KIAA2012: variants seen among roughly 807,000 people sequenced by gnomAD.
The protein encoded by KIAA2012 is KIAA2012, also known as uncharacterized protein KIAA2012.
Under a neutral mutation model 150.6 loss-of-function variants are expected in KIAA2012, and 125 were observed. That is an observed-to-expected ratio of 0.83 (90% CI 0.72 to 0.96). The LOEUF is 0.96. KIAA2012 is among the 40% of genes least tolerant of loss of function. KIAA2012 has a pLI of 0.00. For synonymous variants in KIAA2012, 462 were observed against 504.7 expected (o/e 0.92, Z 1.13); for missense variants, 1,219 against 1,354.9 (o/e 0.90, Z 1.57).
Position 202,099,477 on chromosome 2 carries a change from C to T in KIAA2012, c.829-136C>T, listed in dbSNP as rs762255961. The stretch of plus-strand genomic sequence containing the variant: ...AGCATTAAAGAGCTTGCTGTTATAA[C>T]CTTATTTTTCTTCCCAACCTGCAAA... On this transcript the variant is annotated intron_variant, in intron 5 of 23. Coordinates refer to ENST00000498697, the MANE Select transcript of KIAA2012 (RefSeq NM_001277372.4). 854 of 630,722 alleles carry T rather than the reference C, an allele frequency of 1.4e-3. 1 individual carries two copies. Among genetic ancestry groups the T allele is most frequent in the Non-Finnish European group, 1.6e-3 (603 of 373,374 alleles). The allele number at this position is 630,722 out of a possible 1,614,324, so 39.1% of individuals were successfully genotyped here. A position where few individuals can be genotyped will look rare whatever the true frequency, so the allele number is the denominator to read the frequency against.
intron 6 of KIAA2012, 138 bp downstream of exon 6, chr2:202,099,934 G>A (rs991536312): frequency 7.6e-5 from 60 of 791,272 alleles, no homozygotes; most frequent in Admixed American, 3.0e-4. Context: ...CTAGCTGGAC[G>A]TGGGAATGAG....
intron 21 of KIAA2012, among the ~76,000 whole-genome samples, chr2:202,195,845 A>G (rs1035048709): frequency 6.6e-6 from 1 of 152,234 alleles, no homozygotes; most frequent in African/African-American, 2.4e-5. Context: ...ACATTGTCAT[A>G]AAAGACAGAA....
chr2:202,160,114 CA>C (rs1215084494), intron 14 of KIAA2012, among the ~76,000 whole-genome samples: 2 of 152,088 alleles, frequency 1.3e-5, no homozygotes, highest in Non-Finnish European at 2.9e-5. Context: ...ACATGGCTGG[CA>C]GCAGAGGGAG....
At chr2:202,108,938 C>G (rs1390981785) in intron 9 of KIAA2012, among the ~76,000 whole-genome samples, 1 of 152,186 alleles carries the variant, frequency 6.6e-6, no homozygotes, top group African/African-American at 2.4e-5. Context: ...AGGCCTCAGT[C>G]ACTTGGGTTC....
chr2:202,091,045 T>G (rs1312289969), intron 3 of KIAA2012, 116 bp downstream of exon 3: 1 of 1,362,228 alleles, frequency 7.3e-7, no homozygotes, highest in African/African-American at 1.5e-5. Flanking sequence ...CAATTCTGTG[T>G]TAAAGCAAAG....
intron 12 of KIAA2012, among the ~76,000 whole-genome samples, chr2:202,129,545 C>A (rs1041933634): frequency 2.6e-5 from 4 of 151,918 alleles, no homozygotes; most frequent in Non-Finnish European, 4.4e-5. Flanking sequence ...TTTTTGTGTT[C>A]TTTTTGGTCA....
intron 15 of KIAA2012, among the ~76,000 whole-genome samples, chr2:202,172,522 G>A (rs1691916555): frequency 6.6e-6 from 1 of 152,214 alleles, no homozygotes; most frequent in Non-Finnish European, 1.5e-5. Flanking sequence ...CAAGAGAATC[G>A]TGCATGACAA....
At position 202,193,301 on chromosome 2, in the gene KIAA2012, G is replaced by T; in HGVS notation, c.2812G>T (p.Ala938Ser). ...EERRCEDPSK[A>S]LLTKREQEKA... ...CACTGAGAACACTCTGGTTTCTTAG[G>T]CCCTCCTCACTAAGAGGGAGCAGGA... is the stretch of plus-strand genomic sequence containing the variant. The change falls in exon 20 of 24, where the codon GCC (alanine) becomes TCC (serine). Residue 938 changes from alanine (A) to serine (S), a missense_variant and splice_region_variant. Coordinates refer to ENST00000498697, the MANE Select transcript of KIAA2012 (RefSeq NM_001277372.4). 6.5e-7 allele frequency: 1 copy of T among 1,549,082 alleles called. No homozygotes were observed. The highest frequency in any genetic ancestry group is 8.7e-7 in the Non-Finnish European group (1 of 1,146,750).
At chr2:202,163,655 A>G (rs1691701164) in intron 14 of KIAA2012, among the ~76,000 whole-genome samples, 1 of 152,140 alleles carries the variant, frequency 6.6e-6, no homozygotes, top group African/African-American at 2.4e-5. Context: ...TGGCATTAAA[A>G]TTCTTCCAAA....
At chr2:202,078,269 T>C (rs1312486801) in intron 2 of KIAA2012, among the ~76,000 whole-genome samples, 1 of 152,258 alleles carries the variant, frequency 6.6e-6, no homozygotes, top group East Asian at 1.9e-4. Context: ...ATGAATAACA[T>C]GAGAAAATCT....
chr2:202,118,960 A>G (rs1690592199), intron 11 of KIAA2012, among the ~76,000 whole-genome samples: 1 of 152,242 alleles, frequency 6.6e-6, no homozygotes. Flanking sequence ...AAAAGGTGGC[A>G]TCATCACCAC....
chr2:202,093,343 A>G (rs187753622), intron 4 of KIAA2012, among the ~76,000 whole-genome samples, 158 bp downstream of exon 4: 120 of 152,348 alleles, frequency 7.9e-4, no homozygotes, highest in African/African-American at 2.5e-3. Context: ...GCACTGTCCA[A>G]TAGTGCTTTT....
intron 12 of KIAA2012, chr2:202,125,797 G>A (rs1690769198): frequency 2.3e-6 from 1 of 437,774 alleles, no homozygotes; most frequent in South Asian, 1.6e-5. Context: ...GGGAGTATAG[G>A]TTGACTTTGT....
intron 15 of KIAA2012, among the ~76,000 whole-genome samples, chr2:202,182,108 CTTTTTTTTTT>C (rs754494077): frequency 1.9e-5 from 2 of 104,104 alleles, no homozygotes; most frequent in East Asian, 2.8e-4. Flanking sequence ...TTTCTTTATT[CTTTTTTTTTT>C]TTTTTTTTTT....
chr2:202,154,520 C>T (rs779697904), intron 13 of KIAA2012, among the ~76,000 whole-genome samples, 153 bp from the exon 14 acceptor site: 17 of 152,144 alleles, frequency 1.1e-4, no homozygotes, highest in Non-Finnish European at 1.9e-4. Flanking sequence ...CTATAGGGTC[C>T]TCTGTGTCTT....
intron 7 of KIAA2012, among the ~76,000 whole-genome samples, chr2:202,100,695 C>T (rs1036682112): frequency 7.9e-5 from 12 of 152,246 alleles, no homozygotes; most frequent in Non-Finnish European, 1.3e-4. Context: ...GTTATTACCA[C>T]ACTCCCTGAT....
At chr2:202,179,325 C>G in intron 15 of KIAA2012, 1 of 1,172,278 alleles carries the variant, frequency 8.5e-7, no homozygotes, top group Non-Finnish European at 1.3e-6. Context: ...TTTTCGCTGA[C>G]TACATTCAGC....
At chr2:202,087,975 G>C (rs1689613867) in intron 2 of KIAA2012, among the ~76,000 whole-genome samples, 1 of 146,348 alleles carries the variant, frequency 6.8e-6, no homozygotes, top group African/African-American at 2.5e-5. Flanking sequence ...AGAATATTCA[G>C]GAAAAAAAAT....
In KIAA2012 at chr2:202,202,417, T is replaced by C. The variant is rs142840708; in HGVS notation, c.3408-12T>C. ...ATCATTATTGGAATTGGGGGTGGGG[T>C]TGTCTCCTTAGGCAAAAAGCTGCTT... is the stretch of plus-strand genomic sequence containing the variant. On this transcript the variant is annotated splice_polypyrimidine_tract_variant and intron_variant, in intron 22 of 23. Transcript: ENST00000498697. 3.6e-4 allele frequency: 144 copies of C among 399,734 alleles called. No homozygotes were observed. Among genetic ancestry groups the C allele is most frequent in the African/African-American group, 2.3e-3 (111 of 48,706 alleles). 24.8% of individuals were successfully genotyped at this position (399,734 alleles called of 1,614,324 possible).
Sources: gnomAD v4.1 joint callset for allele counts (sites outside exome capture counted in the v4.1 genomes callset) on GRCh38, gnomAD v4.1.1 for gene constraint, MANE v1.5 for transcripts, NCBI Gene and HGNC (gene_info 2026-07-23, HGNC 2026-07-21) for gene names.